Variants in ABL2 observed in about 807,000 individuals in gnomAD.
ABL2 encodes tyrosine-protein kinase ABL2.
Under a neutral mutation model 107.7 loss-of-function variants are expected in ABL2, and 49 were observed. The ratio of observed to expected loss-of-function variants is 0.45; its 90% CI spans 0.36 to 0.58. The LOEUF (loss-of-function observed/expected upper bound fraction) is 0.58. ABL2 is among the 20% of genes least tolerant of loss of function. The pLI, the probability that ABL2 is intolerant of heterozygous loss-of-function variation, is 0.00. For synonymous variants in ABL2, 549 were observed against 548.6 expected (o/e 1.00, Z -0.01); for missense variants, 1,245 against 1,457.0 (o/e 0.85, Z 2.37).
chr1:179,183,684 A>G (rs1446233390), intron 1 of ABL2: 2 of 152,434 alleles, frequency 1.3e-5, no homozygotes, highest in East Asian at 1.9e-4. Flanking sequence ...TTTCTCTGCC[A>G]TAACTAGATA....
At chr1:179,190,386 A>C (rs1351796878) in intron 1 of ABL2, among the ~76,000 whole-genome samples, 1 of 152,194 alleles carries the variant, frequency 6.6e-6, no homozygotes, top group Non-Finnish European at 1.5e-5. Flanking sequence ...ACCAAATAAA[A>C]AGATACACAG....
chr1:179,214,632 T>C (rs1314031216), intron 1 of ABL2, among the ~76,000 whole-genome samples: 1 of 148,834 alleles, frequency 6.7e-6, no homozygotes, highest in African/African-American at 2.5e-5. Context: ...GGAAAAACAT[T>C]GTTTGTTCCA....
At chr1:179,123,448 T>A (rs1315474131) in intron 4 of ABL2, among the ~76,000 whole-genome samples, 1 of 152,060 alleles carries the variant, frequency 6.6e-6, no homozygotes, top group East Asian at 1.9e-4. Flanking sequence ...GAGGTTGCAG[T>A]GAGCTGAGAT....
chr1:179,191,747 T>C (rs1571286936), intron 1 of ABL2, among the ~76,000 whole-genome samples: 1 of 152,146 alleles, frequency 6.6e-6, no homozygotes, highest in African/African-American at 2.4e-5. Flanking sequence ...CATATATACA[T>C]ATTCTGCTAT....
intron 1 of ABL2, among the ~76,000 whole-genome samples, chr1:179,160,638 TGA>T (rs1449253590): frequency 3.3e-5 from 5 of 151,426 alleles, no homozygotes; most frequent in Non-Finnish European, 7.4e-5. Flanking sequence ...TTTGAAATAC[TGA>T]GATATGAGTC....
intron 1 of ABL2, among the ~76,000 whole-genome samples, chr1:179,164,870 C>A (rs1045718191): frequency 1.3e-5 from 2 of 152,206 alleles, no homozygotes; most frequent in African/African-American, 2.4e-5. Flanking sequence ...TTCCTGAAAC[C>A]TTGGATAGTA....
At chr1:179,141,817 A>C (rs939035025) in intron 1 of ABL2, among the ~76,000 whole-genome samples, 1 of 152,258 alleles carries the variant, frequency 6.6e-6, no homozygotes, top group Non-Finnish European at 1.5e-5. Context: ...AAACAAAAGG[A>C]AAACTTTTTC....
chr1:179,132,023 A>G (rs1656378348), intron 2 of ABL2, among the ~76,000 whole-genome samples: 1 of 152,238 alleles, frequency 6.6e-6, no homozygotes, highest in African/African-American at 2.4e-5. Flanking sequence ...TTAAGTATAG[A>G]AAAAATTATT....
In ABL2 at chr1:179,103,178, T is replaced by G. The variant is rs1168259285; in HGVS notation, c.*4540A>C. ...TAAAGATCGGAATTAAACCAAAAAG[T>G]TGGTCCCTAGTTTCCTGAAGTAATT... On this transcript the variant is annotated 3_prime_UTR_variant, in exon 12 of 12. Coordinates refer to ENST00000502732, the MANE Select transcript of ABL2 (RefSeq NM_007314.4). 1 of 213,638 alleles carries G rather than the reference T, an allele frequency of 4.7e-6. No individual in the cohort carries two copies. Among genetic ancestry groups the G allele is most frequent in the Non-Finnish European group, 9.5e-6 (1 of 105,688 alleles). The allele number at this position is 213,638 out of a possible 1,614,324, so 13.2% of individuals were successfully genotyped here. A position where few individuals can be genotyped will look rare whatever the true frequency, so the allele number is the denominator to read the frequency against.
chr1:179,128,723 C>T (rs755685296), intron 3 of ABL2, among the ~76,000 whole-genome samples: 13 of 152,196 alleles, frequency 8.5e-5, no homozygotes, highest in Non-Finnish European at 1.6e-4. Context: ...CTCCCTCTGT[C>T]GCCACGCGGC....
intron 1 of ABL2, among the ~76,000 whole-genome samples, chr1:179,211,886 A>C (rs1662296471): frequency 1.3e-5 from 2 of 152,206 alleles, no homozygotes; most frequent in Admixed American, 1.3e-4. Flanking sequence ...TAAAATCTGC[A>C]CTGTAACATG....
intron 1 of ABL2, among the ~76,000 whole-genome samples, chr1:179,171,594 C>T (rs6673840): frequency 0.015 from 2,263 of 152,282 alleles, 69 homozygotes; most frequent in African/African-American, 0.051. Context: ...ATGATCATGG[C>T]TTACTGCAGC....
At chr1:179,185,458 T>C (rs1000417825) in intron 1 of ABL2, among the ~76,000 whole-genome samples, 1 of 152,152 alleles carries the variant, frequency 6.6e-6, no homozygotes, top group Non-Finnish European at 1.5e-5. Flanking sequence ...AAAAAAAATT[T>C]TTTTGTTTCA....
intron 1 of ABL2, among the ~76,000 whole-genome samples, chr1:179,172,488 G>T (rs971992974): frequency 1.3e-5 from 2 of 152,108 alleles, no homozygotes; most frequent in African/African-American, 4.8e-5. Context: ...AAAGGTTGAG[G>T]GTGTTTATTC....
chr1:179,202,197 T>G (rs1036333741), intron 1 of ABL2, among the ~76,000 whole-genome samples: 6 of 152,178 alleles, frequency 3.9e-5, no homozygotes, highest in Non-Finnish European at 7.4e-5. Flanking sequence ...TGGTAACTAT[T>G]AATACTTTTT....
intron 1 of ABL2, among the ~76,000 whole-genome samples, chr1:179,210,195 G>A (rs1371887804): frequency 1.3e-5 from 2 of 151,916 alleles, no homozygotes; most frequent in East Asian, 3.9e-4. Context: ...CTTTAAATGA[G>A]AAAAAAAATG....
intron 1 of ABL2, among the ~76,000 whole-genome samples, chr1:179,181,946 ATT>A (rs34828452): frequency 0.023 from 2,106 of 91,128 alleles, 16 homozygotes; most frequent in Middle Eastern, 0.074. Flanking sequence ...AGGCCCGGCT[ATT>A]TTTTTTTTTT....
intron 1 of ABL2, among the ~76,000 whole-genome samples, chr1:179,227,574 G>T (rs546581112): frequency 1.3e-5 from 2 of 152,234 alleles, no homozygotes; most frequent in African/African-American, 4.8e-5. Context: ...TGCCTACTAG[G>T]CCAAGTTTAA....
chr1:179,188,138 T>A (rs1353420735), intron 1 of ABL2, among the ~76,000 whole-genome samples: 1 of 152,220 alleles, frequency 6.6e-6, no homozygotes, highest in African/African-American at 2.4e-5. Flanking sequence ...TTGCCCTTGA[T>A]GGTCCTCTTC....
Sources: allele counts gnomAD v4.1 joint callset (sites outside exome capture counted in the v4.1 genomes callset), GRCh38; gene constraint gnomAD v4.1.1; transcripts MANE v1.5; gene names NCBI Gene and HGNC (gene_info 2026-07-23, HGNC 2026-07-21).